GATA2: variants seen among roughly 807,000 people sequenced by gnomAD.
GATA2 encodes endothelial transcription factor GATA-2.
GATA2 carries 6 observed loss-of-function variants against 35.7 expected under a neutral mutation model. The ratio of observed to expected loss-of-function variants is 0.17; its 90% confidence interval spans 0.09 to 0.33. The LOEUF is 0.33. Among genes scored for constraint, GATA2 ranks in the 10% least tolerant of loss-of-function variants. The probability of loss-of-function intolerance (pLI) is 1.00; values close to 1 mark genes in which losing one functional copy is unlikely to be tolerated. For missense variants in GATA2, 541 were observed against 656.6 expected, an observed-to-expected ratio of 0.82 and a Z score of 1.92; for synonymous variants, 313 against 274.9, an observed-to-expected ratio of 1.14 and a Z score of -1.37.
chr3:128,485,655 C>A, intron 3 of GATA2, 72 bp downstream of exon 3: 1 of 1,551,196 alleles, frequency 6.4e-7, no homozygotes. Flanking sequence ...CCACCTCTCC[C>A]AAGTCACAGC....
In GATA2 at chr3:128,486,153, C is replaced by G; in HGVS notation, c.445G>C (p.Gly149Arg). The change falls in exon 3 of 6, where the codon GGG (glycine) becomes CGG (arginine). Residue 149 changes from glycine to arginine, a missense_variant. Coordinates refer to ENST00000341105, the MANE Select transcript of GATA2 (RefSeq NM_032638.5). ...SVYPGAGGGSGGGSGSSVASL... is the reference protein window; with the variant it reads ...SVYPGAGGGSRGGSGSSVASL... ...GCCACTGAGCTCCCGCTGCCTCCCC[C>G]GCTCCCACCCCCAGCCCCTGGGTAC... 6.3e-7 allele frequency: 1 copy of G among 1,581,260 alleles called. No homozygotes were observed. The highest frequency in any genetic ancestry group is 8.6e-7 in the Non-Finnish European group (1 of 1,164,328).
rs569240171 is a variant in GATA2, at chr3:128,480,945, C to T, written c.*74G>A. 29 of 1,441,742 alleles carry T rather than the reference C, an allele frequency of 2.0e-5. No homozygotes were observed. The African/African-American group carries it at 3.3e-4, about 16-fold the overall frequency. 89.3% of individuals were successfully genotyped at this position (1,441,742 alleles called of 1,614,324 possible). ...GGCTGGCAGGAGTGGTGTCGGCCTT[C>T]GGGAAATGCTGGGCTGCTAAGGGTT... is the stretch of plus-strand genomic sequence containing the variant. On this transcript the variant is annotated 3_prime_UTR_variant, in exon 6 of 6. Coordinates refer to ENST00000341105, the MANE Select transcript of GATA2 (RefSeq NM_032638.5).
At position 128,481,266 on chromosome 3, in the gene GATA2, T is replaced by C. The variant is rs1362694541; in HGVS notation, c.1196A>G (p.Lys399Arg). 6.2e-7 allele frequency: 1 copy of C among 1,614,206 alleles called. No individual in the cohort carries two copies. ...GCTCTTCTTGGACTTGTTGGACATC[T>C]TCCGGTTCCGAGTCTGGATCCCTTC... ...KKEGIQTRNR[K>R]MSNKSKKSKK... Residue 399 changes from lysine to arginine, a missense_variant, in exon 6 of 6, where the codon AAG becomes AGG. This residue lies in a region of GATA2 where 95 missense variants were observed against 114.0 expected (regional missense o/e 0.83). Transcript: ENST00000341105.
Position 128,487,088 on chromosome 3 carries a change from AG to A in GATA2, c.-45-13del. ...AGACGGCAACGGCCCTGCGCGAGGAAGGGGGAGTGAGGCGTGCCGCCAGCGC... is the reference window on the plus strand; with the variant it reads ...AGACGGCAACGGCCCTGCGCGAGGAAGGGGAGTGAGGCGTGCCGCCAGCGC... On this transcript the variant is annotated splice_polypyrimidine_tract_variant and intron_variant, in intron 1 of 5. Coordinates refer to ENST00000341105, the MANE Select transcript of GATA2 (RefSeq NM_032638.5). 2 of 1,398,586 alleles carry A rather than the reference AG, an allele frequency of 1.4e-6. No individual in the cohort carries two copies. The highest frequency in any genetic ancestry group is 9.6e-7 in the Non-Finnish European group (1 of 1,039,870). 86.6% of individuals were successfully genotyped at this position (1,398,586 alleles called of 1,614,324 possible).
intron 4 of GATA2, among the ~76,000 whole-genome samples, chr3:128,483,005 G>A (rs1367973167): frequency 1.3e-5 from 2 of 152,200 alleles, no homozygotes; most frequent in Non-Finnish European, 2.9e-5. Flanking sequence ...GGCAGGGAGG[G>A]GTGAGTAAGC....
At position 128,480,900 on chromosome 3, in the gene GATA2, G is replaced by T; in HGVS notation, c.*119C>A. The T allele has an allele frequency of 8.5e-7, 1 of 1,171,864 alleles. No individual in the cohort carries two copies. Among genetic ancestry groups the T allele is most frequent in the Non-Finnish European group, 1.2e-6 (1 of 847,866 alleles). 72.6% of individuals were successfully genotyped at this position (1,171,864 alleles called of 1,614,324 possible). A position where few individuals can be genotyped will look rare whatever the true frequency, so the allele number is the denominator to read the frequency against. On this transcript the variant is annotated 3_prime_UTR_variant, in exon 6 of 6. Coordinates refer to ENST00000341105, the MANE Select transcript of GATA2 (RefSeq NM_032638.5). The stretch of plus-strand genomic sequence containing the variant: ...AGGCTGCTGGGCGCCCTCCAGGAGA[G>T]GGGGTGCTGGGCCGAGCCGGGCTGG...
At position 128,481,003 on chromosome 3, in the gene GATA2, G is replaced by C; in HGVS notation, c.*16C>G. 1.3e-6 allele frequency: 2 copies of C among 1,540,686 alleles called. No homozygotes were observed. The highest frequency in any genetic ancestry group is 2.5e-5 in the South Asian group (2 of 78,448). The stretch of plus-strand genomic sequence containing the variant: ...CCCATCCCGGGAGTGCCCGGTCCTC[G>C]ACGTCCATCTGTTCCCTAGCCCATG... On this transcript the variant is annotated 3_prime_UTR_variant, in exon 6 of 6. Coordinates refer to ENST00000341105, the MANE Select transcript of GATA2 (RefSeq NM_032638.5).
At chr3:128,483,729 C>T in intron 4 of GATA2, 131 bp downstream of exon 4, 1 of 1,256,138 alleles carries the variant, frequency 8.0e-7, no homozygotes, top group Non-Finnish European at 1.1e-6. Flanking sequence ...AACTGACATC[C>T]CAGTGCTTTT....
intron 1 of GATA2, among the ~76,000 whole-genome samples, chr3:128,491,572 G>C (rs1028568930): frequency 6.6e-6 from 1 of 152,180 alleles, no homozygotes; most frequent in Non-Finnish European, 1.5e-5. Flanking sequence ...CCAAGGGGGG[G>C]ACTACTGCTA....
intron 2 of GATA2, 112 bp downstream of exon 2, chr3:128,486,691 C>A: frequency 8.7e-7 from 1 of 1,145,784 alleles, no homozygotes; most frequent in Non-Finnish European, 1.3e-6. Flanking sequence ...AATTTTTCAG[C>A]AGCTCGATTC....
At chr3:128,482,044 A>G (rs1309112715) in intron 4 of GATA2, 100 bp from the exon 5 acceptor site, 1 of 1,467,698 alleles carries the variant, frequency 6.8e-7, no homozygotes, top group Non-Finnish European at 9.3e-7. Context: ...AGCTCAGTCA[A>G]GGAGGGCTAA....
rs2068634611 is a variant in GATA2, at chr3:128,481,899, T to C, written c.1063A>G (p.Thr355Ala). ...TTTCGGCGCCATAAGGTGGTGGTTG[T>C]CGTCTGACAATTTGCACAACAGGTG... is the stretch of plus-strand genomic sequence containing the variant. ...AGTCCANCQT[T>A]TTTLWRRNAN... Residue 355 changes from threonine to alanine, a missense_variant, in exon 5 of 6, where the codon ACA becomes GCA. Physicochemically the swap from Thr to Ala is moderately conservative, Grantham distance 58. Coordinates refer to ENST00000341105, the MANE Select transcript of GATA2 (RefSeq NM_032638.5). The C allele has an allele frequency of 6.2e-7, 1 of 1,614,064 alleles. No homozygotes were observed. Among genetic ancestry groups the C allele is most frequent in the Non-Finnish European group, 8.5e-7 (1 of 1,180,028 alleles).
rs932463543 is a variant in GATA2, at chr3:128,480,190, T to C, written c.*829A>G. 4.3e-6 allele frequency: 1 copy of C among 232,924 alleles called. No homozygotes were observed. Among genetic ancestry groups the C allele is most frequent in the African/African-American group, 2.2e-5 (1 of 45,216 alleles). 14.4% of individuals were successfully genotyped at this position (232,924 alleles called of 1,614,324 possible). A position where few individuals can be genotyped will look rare whatever the true frequency, so the allele number is the denominator to read the frequency against. On this transcript the variant is annotated 3_prime_UTR_variant, in exon 6 of 6. Transcript: ENST00000341105. ...TAATATTTTTTCTTTTGTCTCAGAG[T>C]AGGAGGCGAGGGGGTTGAAGGGTTA...
Position 128,486,100 on chromosome 3 carries a change from A to G in GATA2, c.498T>C (p.Ser166=), listed in dbSNP as rs771508025. The G allele has an allele frequency of 6.2e-7, 1 of 1,613,572 alleles. No individual in the cohort carries two copies. The highest frequency in any genetic ancestry group is 8.5e-7 in the Non-Finnish European group (1 of 1,179,928). Residue 166 remains serine, a synonymous_variant, in exon 3 of 6, where the codon TCT becomes TCC. Coordinates refer to ENST00000341105, the MANE Select transcript of GATA2 (RefSeq NM_032638.5). ...VASLTPTAAH[S]GSHLFGFPPT... The stretch of plus-strand genomic sequence containing the variant: ...GTGGGAAGCCGAAAAGGTGGGAGCC[A>G]GAGTGGGCTGCTGTAGGGGTGAGGG...
At chr3:128,489,638 T>C (rs974389932) in intron 1 of GATA2, 1 of 152,040 alleles carries the variant, frequency 6.6e-6, no homozygotes, top group Non-Finnish European at 1.5e-5. Flanking sequence ...CGCGAGGCCC[T>C]TGGCGCCGGG....
rs2068764099 is a variant in GATA2 at position 128,491,218 on chromosome 3, C to CCG, written c.-46+1680_-46+1681insCG. Among the ~76,000 whole-genome samples, 5 of 127,934 alleles carry CCG rather than the reference C, an allele frequency of 3.9e-5. 1 individual carries two copies. The highest frequency in any genetic ancestry group is 6.8e-5 in the Non-Finnish European group (4 of 58,534). The allele number at this position is 127,934 out of a possible 152,430, so 83.9% of individuals were successfully genotyped here. A position where few individuals can be genotyped will look rare whatever the true frequency, so the allele number is the denominator to read the frequency against. The stretch of plus-strand genomic sequence containing the variant: ...CTCCCCGGCCGTCCAGCCCCCCCCC[C>CCG]CCTCTGAGCCCTTTGTTTAAAGTTA... On this transcript the variant is annotated intron_variant, in intron 1 of 5. Transcript: ENST00000341105.
Position 128,480,727 on chromosome 3 carries a change from T to C in GATA2, c.*292A>G. On this transcript the variant is annotated 3_prime_UTR_variant, in exon 6 of 6. Coordinates refer to ENST00000341105, the MANE Select transcript of GATA2 (RefSeq NM_032638.5). ...CTTTTTCCTTCTAAAAATGGTTGCC[T>C]TCGTCTGTCCCGTCCCCTCCTTTTC... 2.5e-6 allele frequency: 1 copy of C among 406,768 alleles called. No homozygotes were observed. Among genetic ancestry groups the C allele is most frequent in the East Asian group, 3.6e-5 (1 of 28,040 alleles). 25.2% of individuals were successfully genotyped at this position (406,768 alleles called of 1,614,324 possible).
intron 1 of GATA2, among the ~76,000 whole-genome samples, chr3:128,487,371 TTCAG>T (rs1416103926): frequency 1.3e-5 from 2 of 152,082 alleles, no homozygotes; most frequent in East Asian, 1.9e-4. Flanking sequence ...AGAGCAGCAC[TTCAG>T]TCAGACACTC....
chr3:128,481,897 T>C lies in GATA2; in HGVS notation c.1065A>G (p.Thr355=). 1 of 1,614,042 alleles carries C rather than the reference T, an allele frequency of 6.2e-7. No individual in the cohort carries two copies. Among genetic ancestry groups the C allele is most frequent in the South Asian group, 1.1e-5 (1 of 91,088 alleles). ...AGTCCANCQT[T]TTTLWRRNAN... ...CGTTTCGGCGCCATAAGGTGGTGGTTGTCGTCTGACAATTTGCACAACAGG... is the reference window on the plus strand; with the variant it reads ...CGTTTCGGCGCCATAAGGTGGTGGTCGTCGTCTGACAATTTGCACAACAGG... The change falls in exon 5 of 6, where the codon ACA becomes ACG. Residue 355 remains threonine (T), a synonymous_variant. Transcript: ENST00000341105.
Sources: gnomAD v4.1 joint callset for allele counts (sites outside exome capture counted in the v4.1 genomes callset) on GRCh38, gnomAD v4.1.1 for gene constraint, gnomAD v4.1.1 regional missense constraint, MANE v1.5 for transcripts, NCBI Gene and HGNC (gene_info 2026-07-23, HGNC 2026-07-21) for gene names.